The following ZNF439 variants were observed in gnomAD, a reference collection of about 807,000 sequenced individuals.
ZNF439 encodes zinc finger protein 439.
Under a neutral mutation model 47.3 loss-of-function variants are expected in ZNF439, and 40 were observed. The observed-to-expected ratio is 0.85, with a 90% CI of 0.66 to 1.10. The LOEUF (loss-of-function observed/expected upper bound fraction) is 1.10, where lower values mean the gene tolerates loss of function less well. Among genes scored for constraint, ZNF439 ranks in the 50% least tolerant of loss-of-function variants. The probability of loss-of-function intolerance (pLI) is 0.00; values close to 1 mark genes in which losing one functional copy is unlikely to be tolerated. For synonymous variants in ZNF439, 171 were observed against 198.8 expected (o/e 0.86, Z 1.18); for missense variants, 556 against 601.1 (o/e 0.93, Z 0.78).
At chr19:11,850,572 C>A (rs537342802) in intron 1 of ZNF439, 23 of 152,134 alleles carry the variant, frequency 1.5e-4, no homozygotes, top group African/African-American at 5.5e-4. Flanking sequence ...ATGACCAAAA[C>A]ACAGACTCCA....
chr19:11,857,693 G>A (rs1408492179), intron 1 of ZNF439: 1 of 152,220 alleles, frequency 6.6e-6, no homozygotes, highest in African/African-American at 2.4e-5. Context: ...GAGTCGATAA[G>A]TTGCAATACC....
chr19:11,862,028 A>G (rs1415694701), intron 1 of ZNF439, among the ~76,000 whole-genome samples: 1 of 152,184 alleles, frequency 6.6e-6, no homozygotes, highest in African/African-American at 2.4e-5. Flanking sequence ...AAAAATATGC[A>G]TTGAAGGTCT....
chr19:11,868,438 C>A lies in ZNF439; in HGVS notation c.1384C>A (p.Arg462Ser). The A allele has an allele frequency of 1.2e-6, 2 of 1,612,120 alleles. No individual in the cohort carries two copies. Among genetic ancestry groups the A allele is most frequent in the East Asian group, 2.2e-5 (1 of 44,658 alleles). Residue 462 changes from arginine (R) to serine (S), a missense_variant, in exon 4 of 4, where the codon CGT becomes AGT. By Grantham distance (110) the Arg-to-Ser change is moderately radical (BLOSUM62 -1). Transcript: ENST00000682736. ...FRSASQLRIH[R>S]RIHTGEKPYE... ...ATCTGCCTCACAACTTCGAATCCAT[C>A]GTAGGATTCACACTGGAGAGAAACC... is the stretch of plus-strand genomic sequence containing the variant.
At position 11,868,069 on chromosome 19, in the gene ZNF439, G is replaced by A. The variant is rs764504186; in HGVS notation, c.1015G>A (p.Ala339Thr). Residue 339 changes from alanine to threonine, a missense_variant, in exon 4 of 4, where the codon GCA (alanine) becomes ACA (threonine). Coordinates refer to ENST00000682736, the MANE Select transcript of ZNF439 (RefSeq NM_001348719.2). The part of the protein sequence containing the change: ...KLYECKQCGK[A>T]LSSLTSFQTH... ...TTATGAATGTAAGCAGTGTGGGAAA[G>A]CATTATCCTCTCTTACAAGTTTTCA... The A allele has an allele frequency of 3.1e-6, 5 of 1,614,188 alleles. No homozygotes were observed. The highest frequency in any genetic ancestry group is 4.2e-6 in the Non-Finnish European group (5 of 1,180,034).
chr19:11,867,027 G>T (rs1460856416), intron 3 of ZNF439, among the ~76,000 whole-genome samples: 1 of 152,158 alleles, frequency 6.6e-6, no homozygotes, highest in Non-Finnish European at 1.5e-5. Flanking sequence ...AACAGGACAA[G>T]ACCCTGAAAC....
At chr19:11,853,001 C>T (rs1353080406) in intron 1 of ZNF439, among the ~76,000 whole-genome samples, 1 of 152,162 alleles carries the variant, frequency 6.6e-6, no homozygotes, top group Non-Finnish European at 1.5e-5. Flanking sequence ...GCAATCTCGG[C>T]TCACTGCAAC....
In ZNF439 at chr19:11,866,413, CACAG is replaced by C. The variant is rs1023397062; in HGVS notation, c.190+87_190+90del. 34 of 1,605,926 alleles carry C rather than the reference CACAG, an allele frequency of 2.1e-5. No homozygotes were observed. In the African/African-American group the frequency reaches 4.0e-4, roughly 19 times the overall value. On this transcript the variant is annotated intron_variant, in intron 2 of 3. Coordinates refer to ENST00000682736, the MANE Select transcript of ZNF439 (RefSeq NM_001348719.2). ...ACCAATGCTGTTGAGTGATTTGGAA[CACAG>C]ACAGGAAATACTTTGATGAATAAAT...
chr19:11,857,689 A>G (rs1976425133), intron 1 of ZNF439: 1 of 152,256 alleles, frequency 6.6e-6, no homozygotes, highest in Non-Finnish European at 1.5e-5. Flanking sequence ...GTTTGAGTCG[A>G]TAAGTTGCAA....
chr19:11,864,870 C>T (rs1272093204), intron 1 of ZNF439, among the ~76,000 whole-genome samples: 4 of 151,690 alleles, frequency 2.6e-5, no homozygotes, highest in Non-Finnish European at 5.9e-5. Flanking sequence ...TATTGACTGA[C>T]CCCAACCTCA....
intron 1 of ZNF439, 131 bp downstream of exon 1, chr19:11,849,061 G>T: frequency 8.2e-7 from 1 of 1,226,746 alleles, no homozygotes; most frequent in East Asian, 5.2e-5. Flanking sequence ...CTCGGTCCCC[G>T]CGGCCGCTGG....
chr19:11,849,216 G>C (rs1976161418), intron 1 of ZNF439: 12 of 1,050,234 alleles, frequency 1.1e-5, no homozygotes, highest in Non-Finnish European at 1.4e-5. Context: ...GGAGGGTCAT[G>C]CGCGGATTTC....
rs1234430570 is a variant in ZNF439, at chr19:11,869,011, A to G, written c.*442A>G. 1 of 290,166 alleles carries G rather than the reference A, an allele frequency of 3.4e-6. No homozygotes were observed. The highest frequency in any genetic ancestry group is 7.0e-6 in the Non-Finnish European group (1 of 142,552). 18.0% of individuals were successfully genotyped at this position (290,166 alleles called of 1,614,324 possible). A position where few individuals can be genotyped will look rare whatever the true frequency, so the allele number is the denominator to read the frequency against. ...TGTAAGGAATGCAAACAAGCATTCAATTATTTTTCTTCCTTGCATATACAT... is the reference window on the plus strand; with the variant it reads ...TGTAAGGAATGCAAACAAGCATTCAGTTATTTTTCTTCCTTGCATATACAT... On this transcript the variant is annotated 3_prime_UTR_variant, in exon 4 of 4. Coordinates refer to ENST00000682736, the MANE Select transcript of ZNF439 (RefSeq NM_001348719.2).
At chr19:11,867,270 A>C (rs775020137) in intron 3 of ZNF439, 36 bp from the exon 4 acceptor site, 3 of 1,587,734 alleles carry the variant, frequency 1.9e-6, no homozygotes, top group Non-Finnish European at 2.6e-6. Context: ...TTACTTATAA[A>C]CAAACTCTTC....
intron 1 of ZNF439, among the ~76,000 whole-genome samples, chr19:11,862,015 T>C (rs1035936429): frequency 6.6e-6 from 1 of 152,222 alleles, no homozygotes; most frequent in Non-Finnish European, 1.5e-5. Flanking sequence ...GCTTCTTTCA[T>C]GTAAAAATAT....
chr19:11,866,746 T>A, intron 3 of ZNF439, 149 bp downstream of exon 3: 1 of 886,362 alleles, frequency 1.1e-6, no homozygotes, highest in Non-Finnish European at 1.6e-6. Flanking sequence ...TATTTAAATG[T>A]GATCAAGGCT....
At chr19:11,856,096 G>A (rs2551863) in intron 1 of ZNF439, 28,230 of 152,240 alleles carry the variant, frequency 0.19, 3,515 homozygotes, top group Non-Finnish European at 0.27. Context: ...TTCTTCCAGG[G>A]ATTTCCATAA....
chr19:11,860,081 G>T (rs1976499339), intron 1 of ZNF439, among the ~76,000 whole-genome samples: 1 of 152,046 alleles, frequency 6.6e-6, no homozygotes, highest in Admixed American at 6.5e-5. Context: ...AGAAACCATG[G>T]GTTATGCATA....
chr19:11,850,819 C>G (rs1976216517), intron 1 of ZNF439: 1 of 152,204 alleles, frequency 6.6e-6, no homozygotes, highest in Non-Finnish European at 1.5e-5. Context: ...CACTTGAGCT[C>G]AGGAGTTCGA....
chr19:11,867,733 G>A lies in ZNF439; in HGVS notation c.679G>A (p.Ala227Thr). 6.2e-7 allele frequency: 1 copy of A among 1,614,202 alleles called. No homozygotes were observed. The highest frequency in any genetic ancestry group is 8.5e-7 in the Non-Finnish European group (1 of 1,180,024). The change falls in exon 4 of 4, where the codon GCA becomes ACA. Residue 227 changes from alanine (A) to threonine (T), a missense_variant. Ala to Thr is a moderately conservative substitution (Grantham distance 58). Transcript: ENST00000682736. ...GPYKCKFCGK[A>T]FHCLSLYLIH... ...TTATAAATGTAAGTTTTGTGGGAAA[G>A]CATTCCATTGTCTCAGTTTATATCT...
Sources: gnomAD v4.1 joint callset for allele counts (sites outside exome capture counted in the v4.1 genomes callset) on GRCh38, gnomAD v4.1.1 for gene constraint, MANE v1.5 for transcripts, NCBI Gene and HGNC (gene_info 2026-07-23, HGNC 2026-07-21) for gene names.